The following ADA variants were observed in gnomAD, a reference collection of about 807,000 sequenced individuals.
ADA encodes adenosine deaminase, also known as adenosine aminohydrolase.
ADA carries 45 observed loss-of-function variants against 49.0 expected under a neutral mutation model. The observed-to-expected ratio is 0.92, with a 90% confidence interval of 0.72 to 1.18. The LOEUF (loss-of-function observed/expected upper bound fraction) is 1.18. ADA is among the 50% of genes most tolerant of loss of function. The probability of loss-of-function intolerance (pLI) is 0.00; values close to 1 mark genes in which losing one functional copy is unlikely to be tolerated. For synonymous variants in ADA, 173 were observed against 184.2 expected, an observed-to-expected ratio of 0.94 and a Z score of 0.49; for missense variants, 445 against 472.5, an observed-to-expected ratio of 0.94 and a Z score of 0.54.
In ADA at chr20:44,622,186, G is replaced by A. The variant is rs530862987; in HGVS notation, c.845+402C>T. Among the ~76,000 whole-genome samples, 7 of 152,362 alleles carry A rather than the reference G, an allele frequency of 4.6e-5. No homozygotes were observed. In the East Asian group the frequency reaches 1.4e-3, roughly 29 times the overall value. On this transcript the variant is annotated intron_variant, in intron 9 of 11. Transcript: ENST00000372874. ...CTCCGGTGGAAAGCTTCAAGATGGC[G>A]CTCAGGGGAATGCCCAGGGGTCCCA...
At chr20:44,627,423 C>T (rs967220795) in intron 3 of ADA, among the ~76,000 whole-genome samples, 5 of 152,140 alleles carry the variant, frequency 3.3e-5, no homozygotes, top group South Asian at 4.1e-4. Context: ...CCTCATGATC[C>T]GCCCACCTCA....
At chr20:44,620,242 A>T (rs2065315597) in intron 11 of ADA, 57 bp downstream of exon 11, 2 of 1,465,346 alleles carry the variant, frequency 1.4e-6, no homozygotes, top group Non-Finnish European at 1.9e-6. Context: ...AGTCCCACAG[A>T]AAGCCACACT....
intron 10 of ADA, chr20:44,620,699 A>G: frequency 1.8e-6 from 1 of 560,920 alleles, no homozygotes. Flanking sequence ...GGACTTATTC[A>G]GCCTGGGATT....
intron 1 of ADA, among the ~76,000 whole-genome samples, chr20:44,645,976 A>G (rs372046839): frequency 6.6e-6 from 1 of 152,088 alleles, no homozygotes; most frequent in African/African-American, 2.4e-5. Flanking sequence ...GCCTACCCCC[A>G]ACACCTTGGG....
Position 44,619,834 on chromosome 20 carries a change from T to A in ADA, c.1092A>T (p.Ter364CysextTer19). ...GTGAAGGCTTGGAGGAGTGGCGTCT[T>A]CAGAGGTTCTGCCCTGCTCGTTGGT... The part of the protein sequence containing the change: ...PPSASAGQNL[*>C] Residue 364 changes from the stop codon to cysteine (C), a stop_lost, in exon 12 of 12, where the codon TGA becomes TGT. Transcript: ENST00000372874. The A allele has an allele frequency of 6.2e-7, 1 of 1,614,132 alleles. No homozygotes were observed. The highest frequency in any genetic ancestry group is 8.5e-7 in the Non-Finnish European group (1 of 1,180,020).
At position 44,619,680 on chromosome 20, in the gene ADA, A is replaced by G. The variant is rs997183966; in HGVS notation, c.*154T>C. On this transcript the variant is annotated 3_prime_UTR_variant, in exon 12 of 12. Transcript: ENST00000372874. ...AAGTGACGCGGCCATGCCGAGGTAT[A>G]CGTGTGTGCAGAAATGGACACATAG... The G allele has an allele frequency of 4.1e-6, 4 of 975,502 alleles. No individual in the cohort carries two copies. The highest frequency in any genetic ancestry group is 3.2e-5 in the African/African-American group (2 of 62,270). The allele number at this position is 975,502 out of a possible 1,614,324, so 60.4% of individuals were successfully genotyped here. A position where few individuals can be genotyped will look rare whatever the true frequency, so the allele number is the denominator to read the frequency against.
At chr20:44,636,008 G>A in intron 2 of ADA, 1 of 583,720 alleles carries the variant, frequency 1.7e-6, no homozygotes, top group Non-Finnish European at 3.1e-6. Flanking sequence ...AGGAGGACAA[G>A]ACTCAGAGGC....
At chr20:44,626,671 C>A in intron 3 of ADA, 72 bp from the exon 4 acceptor site, 3 of 1,590,966 alleles carry the variant, frequency 1.9e-6, no homozygotes, top group Non-Finnish European at 2.6e-6. Flanking sequence ...CAAATGACAT[C>A]CCCAACCCTT....
intron 1 of ADA, among the ~76,000 whole-genome samples, chr20:44,641,225 C>T (rs143994742): frequency 6.6e-6 from 1 of 152,062 alleles, no homozygotes; most frequent in African/African-American, 2.4e-5. Context: ...GGCCTCAACC[C>T]CATCTGAGGT....
chr20:44,622,051 G>A (rs1044874736), intron 9 of ADA, among the ~76,000 whole-genome samples: 17 of 152,316 alleles, frequency 1.1e-4, no homozygotes, highest in African/African-American at 3.4e-4. Context: ...TGGGGAAGGC[G>A]GCTTTTTCCT....
At chr20:44,621,208 C>T in intron 9 of ADA, 61 bp from the exon 10 acceptor site, 2 of 1,609,108 alleles carry the variant, frequency 1.2e-6, no homozygotes, top group South Asian at 1.1e-5. Flanking sequence ...ATAGTCAGAA[C>T]ACATTGACGT....
At position 44,649,744 on chromosome 20, in the gene ADA, T is replaced by C. The variant is rs1221456384; in HGVS notation, c.33+1831A>G. On this transcript the variant is annotated intron_variant, in intron 1 of 11. Transcript: ENST00000372874. ...AATCAAGGAGCCTTTTTTTTTTTTT[T>C]TTTTTTTTTGAGACAGCGTCTCACT... Among the ~76,000 whole-genome samples the C allele has an allele frequency of 3.4e-4, 50 of 146,008 alleles. No individual in the cohort carries two copies. The East Asian group carries it at 5.8e-3, about 17-fold the overall frequency.
chr20:44,648,047 A>G (rs2007720), intron 1 of ADA, among the ~76,000 whole-genome samples: 31,048 of 152,062 alleles, frequency 0.2, 3,946 homozygotes, highest in Admixed American at 0.3. Context: ...TTCTGGCAAA[A>G]AAGAAAAAGT....
intron 2 of ADA, 133 bp from the exon 3 acceptor site, chr20:44,629,302 T>C: frequency 3.8e-6 from 5 of 1,331,380 alleles, no homozygotes; most frequent in Non-Finnish European, 5.2e-6. Context: ...CGTCTCTCAG[T>C]CCAGCTGCTC....
At chr20:44,639,604 G>A (rs1209353027) in intron 1 of ADA, among the ~76,000 whole-genome samples, 1 of 152,038 alleles carries the variant, frequency 6.6e-6, no homozygotes, top group African/African-American at 2.4e-5. Context: ...GTAGAGATGG[G>A]GTTTCACCAT....
At chr20:44,633,641 C>T (rs1424048599) in intron 2 of ADA, among the ~76,000 whole-genome samples, 1 of 152,182 alleles carries the variant, frequency 6.6e-6, no homozygotes, top group Non-Finnish European at 1.5e-5. Flanking sequence ...CAGGAGGCCA[C>T]AGCACCAGGG....
At chr20:44,644,025 C>T (rs2145353716) in intron 1 of ADA, among the ~76,000 whole-genome samples, 1 of 151,870 alleles carries the variant, frequency 6.6e-6, no homozygotes, top group Admixed American at 6.6e-5. Flanking sequence ...GACAGATACT[C>T]CCAGATCTGA....
intron 11 of ADA, 142 bp downstream of exon 11, chr20:44,620,157 C>CGA: frequency 1.2e-6 from 1 of 838,222 alleles, no homozygotes; most frequent in Admixed American, 1.9e-5. Context: ...ACGCTGCTCC[C>CGA]AGCCAGGGCC....
chr20:44,625,690 TGAGGA>T lies in ADA; in HGVS notation c.363-11_363-7del. On this transcript the variant is annotated splice_polypyrimidine_tract_variant and splice_region_variant and intron_variant, in intron 4 of 11. Transcript: ENST00000372874. ...CGTCTGGGGTGAGGTCCCCTCTGTG[TGAGGA>T]GAGGAGTAGGGATGGGCCTGAGGCA... 6.4e-7 allele frequency: 1 copy of T among 1,554,744 alleles called. No homozygotes were observed. Among genetic ancestry groups the T allele is most frequent in the Non-Finnish European group, 8.7e-7 (1 of 1,147,940 alleles).
Sources: allele counts gnomAD v4.1 joint callset (sites outside exome capture counted in the v4.1 genomes callset), GRCh38; gene constraint gnomAD v4.1.1; transcripts MANE v1.5; gene names NCBI Gene and HGNC (gene_info 2026-07-23, HGNC 2026-07-21).